ABCA6: variants seen among roughly 807,000 people sequenced by gnomAD.
ABCA6 encodes ATP binding cassette subfamily A member 6, also known as ATP-binding cassette sub-family A member 6.
ABCA6 carries 164 observed loss-of-function variants against 191.2 expected under a neutral mutation model. That is an observed-to-expected ratio of 0.86 (90% confidence interval 0.76 to 0.98). ABCA6 has a LOEUF of 0.98. ABCA6 is among the 50% of genes least tolerant of loss of function. The pLI, the probability that ABCA6 is intolerant of heterozygous loss-of-function variation, is 0.00. For synonymous variants in ABCA6, 636 were observed against 647.7 expected, an observed-to-expected ratio of 0.98 and a Z score of 0.27; for missense variants, 1,958 against 1,894.1, an observed-to-expected ratio of 1.03 and a Z score of -0.63.
intron 2 of ABCA6, among the ~76,000 whole-genome samples, chr17:69,140,043 T>C (rs1381687575): frequency 6.6e-6 from 1 of 151,614 alleles, no homozygotes; most frequent in Non-Finnish European, 1.5e-5. Context: ...CACATGTATA[T>C]GTATGTAACT....
chr17:69,086,945 G>T (rs2072810174), intron 29 of ABCA6, among the ~76,000 whole-genome samples: 1 of 152,156 alleles, frequency 6.6e-6, no homozygotes, highest in South Asian at 2.1e-4. Context: ...TGTCTTGCCA[G>T]AAGAGGGGTG....
chr17:69,126,548 C>T (rs920882989), intron 8 of ABCA6, among the ~76,000 whole-genome samples: 1 of 151,610 alleles, frequency 6.6e-6, no homozygotes, highest in African/African-American at 2.4e-5. Context: ...CTTGCGAGGC[C>T]GAGGCGGGAA....
chr17:69,093,935 TA>T, intron 25 of ABCA6, among the ~76,000 whole-genome samples: 1 of 152,370 alleles, frequency 6.6e-6, no homozygotes, highest in East Asian at 1.9e-4. Flanking sequence ...TTTGTTTTTA[TA>T]TTTTGAACAG....
At chr17:69,112,096 G>A (rs1438640354) in intron 16 of ABCA6, 87 bp downstream of exon 16, 9 of 975,452 alleles carry the variant, frequency 9.2e-6, no homozygotes, top group Admixed American at 1.8e-5. Flanking sequence ...GATGAAGCAC[G>A]AGGCCAGTTC....
chr17:69,088,218 C>A lies in ABCA6; in HGVS notation c.3647G>T (p.Cys1216Phe), dbSNP rs190820653. The change falls in exon 28 of 39, where the codon TGC (cysteine) becomes TTC (phenylalanine). Residue 1216 changes from cysteine (C) to phenylalanine (F), a missense_variant. Cys to Phe is a radical substitution (Grantham distance 205). Coordinates refer to ENST00000284425, the MANE Select transcript of ABCA6 (RefSeq NM_080284.3). Reference protein sequence around the residue: ...QTLLFVFVLRCMELKCGKKRM... With the variant: ...QTLLFVFVLRFMELKCGKKRM... ...TTTCTTTCCACATTTTAGTTCCATG[C>A]ATCTTAGAACAAAAACGAATAGCAA... is the stretch of plus-strand genomic sequence containing the variant. 1 of 1,612,228 alleles carries A rather than the reference C, an allele frequency of 6.2e-7. No homozygotes were observed. Among genetic ancestry groups the A allele is most frequent in the East Asian group, 2.2e-5 (1 of 44,798 alleles).
At chr17:69,114,699 T>C (rs757515204) in intron 13 of ABCA6, 63 bp downstream of exon 13, 23 of 1,441,806 alleles carry the variant, frequency 1.6e-5, no homozygotes, top group Non-Finnish European at 2.1e-5. Context: ...AAGAGAATTC[T>C]GTGGTCATGA....
intron 22 of ABCA6, chr17:69,098,293 T>C (rs560395322): frequency 5.6e-6 from 2 of 357,624 alleles, no homozygotes; most frequent in East Asian, 9.7e-5. Context: ...CTCACATTCA[T>C]ATTCATACCA....
At chr17:69,087,306 T>G in intron 29 of ABCA6, 47 bp downstream of exon 29, 1 of 1,598,964 alleles carries the variant, frequency 6.3e-7, no homozygotes, top group South Asian at 1.1e-5. Flanking sequence ...CTCTTGACAG[T>G]TCTTGAATAT....
chr17:69,112,935 CTATT>C (rs2073456780), intron 15 of ABCA6: 1 of 218,636 alleles, frequency 4.6e-6, no homozygotes, highest in Admixed American at 5.7e-5. Context: ...GAATAAGTGT[CTATT>C]TTTCAATTAA....
At chr17:69,093,651 C>T (rs890389383) in intron 25 of ABCA6, among the ~76,000 whole-genome samples, 1 of 152,190 alleles carries the variant, frequency 6.6e-6, no homozygotes, top group Non-Finnish European at 1.5e-5. Flanking sequence ...AGCCGATATA[C>T]ACCTAAAATA....
At chr17:69,085,571 T>C in intron 31 of ABCA6, 54 bp downstream of exon 31, 2 of 1,139,048 alleles carry the variant, frequency 1.8e-6, no homozygotes, top group South Asian at 1.3e-5. Context: ...AAAGATATAA[T>C]CTATACGTAT....
chr17:69,088,638 G>C (rs988390439), intron 27 of ABCA6, among the ~76,000 whole-genome samples: 5 of 152,112 alleles, frequency 3.3e-5, no homozygotes, highest in African/African-American at 1.2e-4. Context: ...TCTCAATACA[G>C]TATCCTGAGC....
At chr17:69,100,959 T>C (rs2073167319) in intron 21 of ABCA6, 25 bp from the exon 22 acceptor site, 7 of 1,545,104 alleles carry the variant, frequency 4.5e-6, no homozygotes, top group Non-Finnish European at 6.2e-6. Context: ...AAATAAATAA[T>C]GTTAATGCTA....
intron 22 of ABCA6, 60 bp downstream of exon 22, chr17:69,100,737 G>A (rs980971247): frequency 6.8e-6 from 10 of 1,469,716 alleles, no homozygotes; most frequent in African/African-American, 5.7e-5. Context: ...GCTAAAGAGA[G>A]AAAACATAGG....
Position 69,125,012 on chromosome 17 carries a change from C to A in ABCA6, c.1143G>T (p.Leu381Phe). The change falls in exon 9 of 39, where the codon TTG (leucine) becomes TTT (phenylalanine). Residue 381 changes from leucine to phenylalanine, a missense_variant. Physicochemically the swap from Leu to Phe is conservative, Grantham distance 22. Coordinates refer to ENST00000284425, the MANE Select transcript of ABCA6 (RefSeq NM_080284.3). ...MIQIIKLDYN[L>F]NGVIFPDPSG... is the part of the protein sequence containing the mutation. ...AAGGGTCAGGAAAAATTACACCATT[C>A]AAGTTATAATCCAGTTTGATAATCT... is the stretch of plus-strand genomic sequence containing the variant. 7.0e-7 allele frequency: 1 copy of A among 1,436,286 alleles called. No individual in the cohort carries two copies. The highest frequency in any genetic ancestry group is 9.3e-7 in the Non-Finnish European group (1 of 1,077,646). The allele number at this position is 1,436,286 out of a possible 1,614,324, so 89.0% of individuals were successfully genotyped here. A position where few individuals can be genotyped will look rare whatever the true frequency, so the allele number is the denominator to read the frequency against.
At chr17:69,135,311 ACT>A (rs1426400365) in intron 4 of ABCA6, 3 of 152,488 alleles carry the variant, frequency 2.0e-5, no homozygotes, top group Non-Finnish European at 4.4e-5. Context: ...GAAAGCAAAC[ACT>A]CTGCTCCAGC....
rs1487446183 is a variant in ABCA6, at chr17:69,137,375, A to T, written c.222T>A (p.Ser74=). 1.2e-6 allele frequency: 2 copies of T among 1,613,648 alleles called. No individual in the cohort carries two copies. Among genetic ancestry groups the T allele is most frequent in the Non-Finnish European group, 1.7e-6 (2 of 1,179,788 alleles). Residue 74 remains serine, a synonymous_variant, in exon 3 of 39, where the codon TCT becomes TCA. Coordinates refer to ENST00000284425, the MANE Select transcript of ABCA6 (RefSeq NM_080284.3). ...LGRVDKFNSS[S]LMVVYTPISN... ...ATATTGGTGTATACACAACCATTAA[A>T]GAAGAGCTATTAAATTTATCTACCC...
chr17:69,106,138 A>T lies in ABCA6; in HGVS notation c.2463T>A (p.Ser821=). 1 of 1,613,968 alleles carries T rather than the reference A, an allele frequency of 6.2e-7. No individual in the cohort carries two copies. The highest frequency in any genetic ancestry group is 8.5e-7 in the Non-Finnish European group (1 of 1,179,892). ...TGTCACTCACAGCTGTCTGCATTTC[A>T]GAGAAGGAAGAGTGAGCCAGCTCCA... ...NEMELAHSSF[S]EMQTAVSDMG... Residue 821 remains serine (S), a synonymous_variant, in exon 19 of 39, where the codon TCT becomes TCA. Transcript: ENST00000284425.
rs865813860 is a variant in ABCA6, at chr17:69,078,990, G to A, written c.4837C>T (p.His1613Tyr). 6.2e-7 allele frequency: 1 copy of A among 1,609,988 alleles called. No homozygotes were observed. Residue 1613 changes from histidine (H) to tyrosine (Y), a missense_variant, in exon 39 of 39, where the codon CAT becomes TAT. By Grantham distance (83) the His-to-Tyr change is moderately conservative. Transcript: ENST00000284425. ...DTTMRWKLLP[H>Y]SDEP ...TTGAGGTTTTAAGGTTCATCTGAAT[G>A]AGGGAGGAGTTTCCATCTCATTGTT...
Sources: allele counts gnomAD v4.1 joint callset (sites outside exome capture counted in the v4.1 genomes callset), GRCh38; gene constraint gnomAD v4.1.1; transcripts MANE v1.5; gene names NCBI Gene and HGNC (gene_info 2026-07-23, HGNC 2026-07-21).